The following PLCB1 variants were observed in gnomAD, a reference collection of about 807,000 sequenced individuals.
PLCB1 encodes the protein phospholipase C beta 1, also known as 1-phosphatidylinositol 4,5-bisphosphate phosphodiesterase beta-1.
In PLCB1, 46 loss-of-function variants were observed where a neutral mutation model predicts 161.8. The ratio of observed to expected loss-of-function variants is 0.28; its 90% CI spans 0.22 to 0.36. The LOEUF is 0.36. PLCB1 is among the 10% of genes least tolerant of loss of function. The pLI is 1.00. For missense variants in PLCB1, 1,016 were observed against 1,472.5 expected (o/e 0.69, Z 5.07); for synonymous variants, 517 against 503.7 (o/e 1.03, Z -0.35).
At chr20:8,879,451 A>G (rs534438989) in intron 31 of PLCB1, among the ~76,000 whole-genome samples, 16 of 152,192 alleles carry the variant, frequency 1.1e-4, no homozygotes, top group Non-Finnish European at 2.4e-4. Flanking sequence ...AGACCTGAGT[A>G]ATCCTCAAAA....
At chr20:8,425,412 C>G (rs1437529042) in intron 3 of PLCB1, among the ~76,000 whole-genome samples, 1 of 152,066 alleles carries the variant, frequency 6.6e-6, no homozygotes, top group Non-Finnish European at 1.5e-5. Flanking sequence ...ATTCTCCTGC[C>G]TCAATCATGT....
intron 2 of PLCB1, among the ~76,000 whole-genome samples, chr20:8,330,434 A>C (rs1289699416): frequency 2.0e-5 from 3 of 152,218 alleles, no homozygotes; most frequent in Non-Finnish European, 2.9e-5. Flanking sequence ...GCCATGCTGC[A>C]TTGATAAAAT....
intron 3 of PLCB1, among the ~76,000 whole-genome samples, chr20:8,374,203 G>A (rs151149739): frequency 4.0e-4 from 61 of 152,202 alleles, no homozygotes; most frequent in East Asian, 3.1e-3. Context: ...TGCTGTTCTC[G>A]TGAAAGTGAG....
chr20:8,223,887 G>C (rs541170081), intron 2 of PLCB1, among the ~76,000 whole-genome samples: 2 of 152,132 alleles, frequency 1.3e-5, no homozygotes, highest in Non-Finnish European at 2.9e-5. Context: ...CTTGCTTGGC[G>C]TCTAGCAATT....
chr20:8,652,468 T>G (rs1037259761), intron 7 of PLCB1: 43 of 152,176 alleles, frequency 2.8e-4, no homozygotes, highest in Non-Finnish European at 2.6e-4. Context: ...AAAACTCTGT[T>G]TTAAATCTCT....
intron 2 of PLCB1, among the ~76,000 whole-genome samples, chr20:8,346,311 A>G (rs1482840429): frequency 6.6e-6 from 1 of 152,228 alleles, no homozygotes; most frequent in Non-Finnish European, 1.5e-5. Flanking sequence ...ACATGCAATA[A>G]AGAAAATTAA....
intron 3 of PLCB1, among the ~76,000 whole-genome samples, chr20:8,404,979 T>C (rs1364468675): frequency 6.6e-6 from 1 of 152,208 alleles, no homozygotes; most frequent in East Asian, 1.9e-4. Flanking sequence ...TCCTCTGATA[T>C]TTTCAGGAGT....
chr20:8,762,816 T>G (rs1982111238), intron 25 of PLCB1, among the ~76,000 whole-genome samples: 2 of 152,158 alleles, frequency 1.3e-5, no homozygotes, highest in Non-Finnish European at 2.9e-5. Context: ...ATAACATAAC[T>G]TATTATTCTA....
intron 3 of PLCB1, among the ~76,000 whole-genome samples, chr20:8,510,542 C>T (rs992840303): frequency 4.6e-5 from 7 of 151,880 alleles, no homozygotes; most frequent in South Asian, 2.1e-4. Flanking sequence ...TGGGCCACCA[C>T]GCCCAGCTAA....
chr20:8,321,043 GA>G (rs11478238), intron 2 of PLCB1, among the ~76,000 whole-genome samples: 37,317 of 151,240 alleles, frequency 0.25, 4,881 homozygotes, highest in South Asian at 0.44. Flanking sequence ...AGAGAGAGGA[GA>G]AAAAAGTATA....
chr20:8,355,797 G>T (rs144183795), intron 2 of PLCB1, among the ~76,000 whole-genome samples: 14 of 152,196 alleles, frequency 9.2e-5, no homozygotes, highest in Non-Finnish European at 1.9e-4. Context: ...TATAATGGGG[G>T]CACTTAACCC....
chr20:8,701,992 C>A (rs1978391168), intron 11 of PLCB1, among the ~76,000 whole-genome samples: 1 of 152,176 alleles, frequency 6.6e-6, no homozygotes, highest in Middle Eastern at 3.2e-3. Context: ...GCAAAATAAA[C>A]TGATTGCAGA....
chr20:8,579,624 G>A (rs537418738), intron 3 of PLCB1, among the ~76,000 whole-genome samples: 26 of 152,266 alleles, frequency 1.7e-4, no homozygotes, highest in African/African-American at 6.3e-4. Flanking sequence ...ACTTTGAGTA[G>A]GTCCCATTCA....
At chr20:8,173,164 C>T (rs2051749693) in intron 2 of PLCB1, among the ~76,000 whole-genome samples, 3 of 152,174 alleles carry the variant, frequency 2.0e-5, no homozygotes, top group African/African-American at 7.2e-5. Context: ...CAACAAGCAG[C>T]CTGGCCTGGG....
At chr20:8,466,686 T>G (rs1981839798) in intron 3 of PLCB1, among the ~76,000 whole-genome samples, 1 of 152,174 alleles carries the variant, frequency 6.6e-6, no homozygotes, top group African/African-American at 2.4e-5. Context: ...TTAAATTTAG[T>G]ACTATTAAGT....
At chr20:8,406,814 C>T (rs1978807670) in intron 3 of PLCB1, among the ~76,000 whole-genome samples, 1 of 152,132 alleles carries the variant, frequency 6.6e-6, no homozygotes, top group African/African-American at 2.4e-5. Context: ...GATCAACTTA[C>T]CTGGGCTCTT....
chr20:8,846,823 C>A (rs1207104848), intron 31 of PLCB1, among the ~76,000 whole-genome samples: 1 of 152,160 alleles, frequency 6.6e-6, no homozygotes, highest in Non-Finnish European at 1.5e-5. Flanking sequence ...ATGGTCCATA[C>A]AAAAGTCCAC....
At chr20:8,645,397 A>T (rs1301284188) in intron 4 of PLCB1, among the ~76,000 whole-genome samples, 1 of 152,270 alleles carries the variant, frequency 6.6e-6, no homozygotes, top group Non-Finnish European at 1.5e-5. Context: ...GTCTTGTGTC[A>T]TCTTCTCTTG....
intron 31 of PLCB1, among the ~76,000 whole-genome samples, chr20:8,833,356 A>C (rs1207637889): frequency 6.6e-6 from 1 of 152,198 alleles, no homozygotes; most frequent in Non-Finnish European, 1.5e-5. Context: ...CATGAGACTT[A>C]TTCACTATCA....
Sources: allele counts gnomAD v4.1 joint callset (sites outside exome capture counted in the v4.1 genomes callset), GRCh38; gene constraint gnomAD v4.1.1; transcripts MANE v1.5; gene names NCBI Gene and HGNC (gene_info 2026-07-23, HGNC 2026-07-21).